Variants in DVL1 observed in about 807,000 individuals in gnomAD.
DVL1 encodes dishevelled segment polarity protein 1.
A neutral mutation model predicts 65.0 loss-of-function variants in DVL1; 49 were observed. The ratio of observed to expected loss-of-function variants is 0.75; its 90% CI spans 0.60 to 0.96. The LOEUF (loss-of-function observed/expected upper bound fraction) is 0.96, where lower values mean the gene tolerates loss of function less well. Among genes scored for constraint, DVL1 ranks in the 40% least tolerant of loss-of-function variants. DVL1 has a pLI of 0.00. For synonymous variants in DVL1, 608 were observed against 433.9 expected, an observed-to-expected ratio of 1.40 and a Z score of -4.99; for missense variants, 1,197 against 1,045.4, an observed-to-expected ratio of 1.15 and a Z score of -2.00.
chr1:1,338,740 A>C, intron 11 of DVL1, 87 bp from the exon 12 acceptor site: 1 of 1,515,278 alleles, frequency 6.6e-7, no homozygotes, highest in Non-Finnish European at 8.8e-7. Flanking sequence ...GCCTCTGGGC[A>C]GAGCCTGCGC....
chr1:1,343,186 C>G (rs1250739935), intron 1 of DVL1, among the ~76,000 whole-genome samples: 1 of 152,100 alleles, frequency 6.6e-6, no homozygotes, highest in Admixed American at 6.5e-5. Context: ...CAGCTGCCCT[C>G]GGTTCATGTA....
At chr1:1,345,858 G>A (rs1213508942) in intron 1 of DVL1, among the ~76,000 whole-genome samples, 3 of 152,122 alleles carry the variant, frequency 2.0e-5, no homozygotes, top group Non-Finnish European at 4.4e-5. Context: ...CACGCCCCAG[G>A]TCAGGGCCCT....
chr1:1,349,173 G>A lies in DVL1; in HGVS notation c.-108C>T. The A allele has an allele frequency of 1.5e-6, 1 of 678,332 alleles. No individual in the cohort carries two copies. Among genetic ancestry groups the A allele is most frequent in the South Asian group, 6.3e-5 (1 of 15,814 alleles). The allele number at this position is 678,332 out of a possible 1,614,324, so 42.0% of individuals were successfully genotyped here. On this transcript the variant is annotated 5_prime_UTR_variant, in exon 1 of 15. Coordinates refer to ENST00000378888, the MANE Select transcript of DVL1 (RefSeq NM_001330311.2). This position sits in a 1 kb window ranked among gnomAD's most constrained non-coding sequence, Gnocchi z 4.1. ...GCCCCGCCCGGCCCGCACCGCTCTC[G>A]GCCCCGACGCTCCGAGGCCCCCGGG...
chr1:1,343,310 A>G (rs1170668534), intron 1 of DVL1, among the ~76,000 whole-genome samples: 1 of 126,600 alleles, frequency 7.9e-6, no homozygotes, highest in Non-Finnish European at 1.7e-5. Flanking sequence ...GCCAGGCCCC[A>G]GCCTCCTCAG....
At chr1:1,336,998 C>T (rs1025152058) in intron 14 of DVL1, 21 of 990,856 alleles carry the variant, frequency 2.1e-5, no homozygotes, top group Non-Finnish European at 2.4e-5. Flanking sequence ...TGAGGGACCC[C>T]GGGCGGGACC....
Position 1,335,769 on chromosome 1 carries a change from C to T in DVL1, c.*373G>A. The T allele has an allele frequency of 4.1e-6, 1 of 246,068 alleles. No individual in the cohort carries two copies. Among genetic ancestry groups the T allele is most frequent in the Non-Finnish European group, 7.9e-6 (1 of 126,568 alleles). 15.2% of individuals were successfully genotyped at this position (246,068 alleles called of 1,614,324 possible). A position where few individuals can be genotyped will look rare whatever the true frequency, so the allele number is the denominator to read the frequency against. On this transcript the variant is annotated 3_prime_UTR_variant, in exon 15 of 15. Transcript: ENST00000378888. ...TAGATCCCTACTCCAGACAGGGGGCCTGTGCACCGCAGGGGGTTGCCCCGC... is the reference window on the plus strand; with the variant it reads ...TAGATCCCTACTCCAGACAGGGGGCTTGTGCACCGCAGGGGGTTGCCCCGC...
chr1:1,336,421 T>C lies in DVL1; in HGVS notation c.1809A>G (p.Glu603=). The C allele has an allele frequency of 1.3e-6, 2 of 1,595,880 alleles. No homozygotes were observed. The highest frequency in any genetic ancestry group is 1.7e-6 in the Non-Finnish European group (2 of 1,176,864). ...CCCCACTCGGTGCCGTGTGATCCGA[T>C]TCACTGCCACTGCCCCCAGCTCCCG... is the stretch of plus-strand genomic sequence containing the variant. ...RAAGAGGSGS[E]SDHTAPSGVG... Residue 603 remains glutamate, a synonymous_variant, in exon 15 of 15, where the codon GAA becomes GAG. Transcript: ENST00000378888.
intron 5 of DVL1, among the ~76,000 whole-genome samples, chr1:1,340,921 G>C (rs1250803135): frequency 1.5e-5 from 2 of 133,094 alleles, no homozygotes; most frequent in Non-Finnish European, 3.1e-5. Flanking sequence ...ACGCACACCT[G>C]CACACGCATG....
intron 5 of DVL1, among the ~76,000 whole-genome samples, chr1:1,340,912 C>CGCACACCTGCACACGCAT (rs1192437547): frequency 6.8e-6 from 1 of 148,016 alleles, no homozygotes; most frequent in Non-Finnish European, 1.5e-5. Context: ...CATGAACACA[C>CGCACACCTGCACACGCAT]GCACACCTGC....
intron 11 of DVL1, 151 bp downstream of exon 11, chr1:1,339,136 G>A: frequency 1.9e-6 from 2 of 1,074,454 alleles, no homozygotes; most frequent in Non-Finnish European, 2.7e-6. Context: ...GGGCACGGGT[G>A]CCTGTGCACA....
chr1:1,342,294 T>C, intron 3 of DVL1, 69 bp downstream of exon 3: 1 of 1,505,144 alleles, frequency 6.6e-7, no homozygotes, highest in Non-Finnish European at 8.9e-7. Flanking sequence ...CAGGCCTCCC[T>C]CCCCTGTTGG....
chr1:1,348,892 T>C lies in DVL1; in HGVS notation c.170+4A>G, dbSNP rs1486278049. On this transcript the variant is annotated splice_donor_region_variant and intron_variant, in intron 1 of 14. Coordinates refer to ENST00000378888, the MANE Select transcript of DVL1 (RefSeq NM_001330311.2). ...GGCTCGCGCAGGCCTCGCGGCCGAC[T>C]GACCCGAAGTCCTGGTCCATGGACT... 1.3e-6 allele frequency: 2 copies of C among 1,539,946 alleles called. No homozygotes were observed. The highest frequency in any genetic ancestry group is 3.7e-5 in the Admixed American group (2 of 54,444).
At chr1:1,338,229 T>TTGGCCCCCCCCCCCC in intron 13 of DVL1, 40 bp downstream of exon 13, 1 of 1,522,368 alleles carries the variant, frequency 6.6e-7, no homozygotes, top group Non-Finnish European at 9.0e-7. Flanking sequence ...CCTCCGGCGT[T>TTGGCCCCCCCCCCCC]CCCCTCCCCC....
rs756600009 is a variant in DVL1 at position 1,340,028 on chromosome 1, A to G, written c.909+10T>C. 1.2e-6 allele frequency: 2 copies of G among 1,602,174 alleles called. No homozygotes were observed. The highest frequency in any genetic ancestry group is 3.4e-5 in the Admixed American group (2 of 59,004). On this transcript the variant is annotated intron_variant, in intron 8 of 14. Coordinates refer to ENST00000378888, the MANE Select transcript of DVL1 (RefSeq NM_001330311.2). ...AGCTACATGTCACCCCGCAGCCCCC[A>G]CAGACACACCTGCAGCAACATGTCG...
At chr1:1,346,982 G>C (rs1430152889) in intron 1 of DVL1, among the ~76,000 whole-genome samples, 2 of 152,194 alleles carry the variant, frequency 1.3e-5, no homozygotes, top group Non-Finnish European at 2.9e-5. Flanking sequence ...AGACAGTGCT[G>C]AGAGGTCTGC....
Position 1,340,332 on chromosome 1 carries a change from G to T in DVL1, c.700-16C>A. On this transcript the variant is annotated splice_polypyrimidine_tract_variant and intron_variant, in intron 6 of 14. Coordinates refer to ENST00000378888, the MANE Select transcript of DVL1 (RefSeq NM_001330311.2). Reference sequence around the variant, plus strand: ...AGGAGGAGGCCTATGGAGGAGAGGGGGCGTGTGTAAAAGGCACGGGGCTGC... The same window carrying T: ...AGGAGGAGGCCTATGGAGGAGAGGGTGCGTGTGTAAAAGGCACGGGGCTGC... 5 of 1,613,808 alleles carry T rather than the reference G, an allele frequency of 3.1e-6. No individual in the cohort carries two copies. The highest frequency in any genetic ancestry group is 4.2e-6 in the Non-Finnish European group (5 of 1,179,892).
At position 1,339,341 on chromosome 1, in the gene DVL1, C is replaced by T. The variant is rs374666209; in HGVS notation, c.1153G>A (p.Ala385Thr). 17 of 1,548,678 alleles carry T rather than the reference C, an allele frequency of 1.1e-5. No individual in the cohort carries two copies. The East Asian group carries it at 1.2e-4, about 11-fold the overall frequency. Residue 385 changes from alanine (A) to threonine (T), a missense_variant, in exon 11 of 15, where the codon GCC becomes ACC. Ala to Thr is a moderately conservative substitution (Grantham distance 58). Coordinates refer to ENST00000378888, the MANE Select transcript of DVL1 (RefSeq NM_001330311.2). ...GAGGAGGAGCTGGTGCGCGTGACGG[C>T]GCTGGAGCAGGGACTCGTACCGTAG... ...PRYGTSPCSS[A>T]VTRTSSSSLT... is the part of the protein sequence containing the mutation.
rs1430190896 is a variant in DVL1, at chr1:1,336,194, G to A, written c.2036C>T (p.Ser679Phe). The A allele has an allele frequency of 1.3e-6, 2 of 1,567,464 alleles. No individual in the cohort carries two copies. The highest frequency in any genetic ancestry group is 8.6e-7 in the Non-Finnish European group (1 of 1,162,088). The change falls in exon 15 of 15, where the codon TCC (serine) becomes TTC (phenylalanine). Residue 679 changes from serine to phenylalanine, a missense_variant. Coordinates refer to ENST00000378888, the MANE Select transcript of DVL1 (RefSeq NM_001330311.2). ...VPPELTGSRQ[S>F]FQKAMGNPCE... is the part of the protein sequence containing the mutation. ...GGGGTTCCCCATAGCCTTCTGGAAG[G>A]ACTGGCGGCTGCCTGTCAATTCCGG...
Position 1,336,007 on chromosome 1 carries a change from C to T in DVL1, c.*135G>A, listed in dbSNP as rs1362078238. ...AGCTGGAGCAGCCAGGCTGCCAGGG[C>T]AGATGGTGGTGGTCCAGCCTGCCCC... On this transcript the variant is annotated 3_prime_UTR_variant, in exon 15 of 15. Transcript: ENST00000378888. 3.3e-6 allele frequency: 4 copies of T among 1,217,760 alleles called. No homozygotes were observed. Among genetic ancestry groups the T allele is most frequent in the East Asian group, 5.2e-5 (2 of 38,702 alleles). 75.4% of individuals were successfully genotyped at this position (1,217,760 alleles called of 1,614,324 possible).
Sources: gnomAD v4.1 joint callset for allele counts (sites outside exome capture counted in the v4.1 genomes callset) on GRCh38, gnomAD v4.1.1 for gene constraint, Gnocchi (gnomAD v3.1) non-coding constraint, MANE v1.5 for transcripts, NCBI Gene and HGNC (gene_info 2026-07-23, HGNC 2026-07-21) for gene names.